The following ENDOV variants were observed in gnomAD, a reference collection of about 807,000 sequenced individuals.
The protein encoded by ENDOV is endonuclease V, also known as hEndoV.
ENDOV carries 37 observed loss-of-function variants against 39.4 expected under a neutral mutation model. The ratio of observed to expected loss-of-function variants is 0.94; its 90% CI spans 0.72 to 1.23. The LOEUF is 1.23. ENDOV is among the 50% of genes most tolerant of loss of function. The pLI is 0.00. For synonymous variants in ENDOV, 186 were observed against 163.4 expected, an observed-to-expected ratio of 1.14 and a Z score of -1.05; for missense variants, 441 against 375.7, an observed-to-expected ratio of 1.17 and a Z score of -1.44.
intron 2 of ENDOV, chr17:80,419,594 T>G: frequency 1.4e-6 from 1 of 702,982 alleles, no homozygotes; most frequent in Non-Finnish European, 2.6e-6. Context: ...AGTTCTGCCT[T>G]CAGGTAGCAA....
chr17:80,429,613 G>A (rs1313734433), intron 8 of ENDOV, among the ~76,000 whole-genome samples, 160 bp from the exon 9 acceptor site: 1 of 152,240 alleles, frequency 6.6e-6, no homozygotes, highest in Non-Finnish European at 1.5e-5. Context: ...AATGCAAGCT[G>A]CGTGTCTGAG....
intron 4 of ENDOV, among the ~76,000 whole-genome samples, 182 bp from the exon 5 acceptor site, chr17:80,423,338 A>T (rs1052605900): frequency 1.3e-5 from 2 of 152,260 alleles, no homozygotes; most frequent in African/African-American, 4.8e-5. Context: ...CACCCAGGAC[A>T]TCGGGCACAG....
At chr17:80,424,096 C>G (rs2082395871) in intron 5 of ENDOV, 2 of 396,078 alleles carry the variant, frequency 5.0e-6, no homozygotes, top group Admixed American at 4.4e-5. Flanking sequence ...CTCACCTTCC[C>G]CTGCATCTTC....
chr17:80,421,806 T>A, intron 2 of ENDOV, 22 bp from the exon 3 acceptor site: 1 of 1,582,922 alleles, frequency 6.3e-7, no homozygotes, highest in Non-Finnish European at 8.6e-7. Context: ...TGCTTCCCAC[T>A]GAGCTGCGTG....
In ENDOV at chr17:80,426,733, C is replaced by T. The variant is rs750302932; in HGVS notation, c.714+1113C>T. On this transcript the variant is annotated intron_variant, in intron 7 of 9. Transcript: ENST00000518137. Reference sequence around the variant, plus strand: ...GTGAAGTACAGAGTGGGTGGGAGCCCGTGAGCATCTTGGGGTGCGCCAGGG... The same window carrying T: ...GTGAAGTACAGAGTGGGTGGGAGCCTGTGAGCATCTTGGGGTGCGCCAGGG... Among the ~76,000 whole-genome samples, 216 of 152,374 alleles carry T rather than the reference C, an allele frequency of 1.4e-3. 2 individuals carry two copies. Among genetic ancestry groups the T allele is most frequent in the Non-Finnish European group, 2.3e-3 (159 of 68,036 alleles).
At position 80,420,968 on chromosome 17, in the gene ENDOV, G is replaced by A. The variant is rs552022592; in HGVS notation, c.229-860G>A. On this transcript the variant is annotated intron_variant, in intron 2 of 9. Transcript: ENST00000518137. ...TGGGATTACAGGCGTGAGCCACCAC[G>A]CCTGGCCAACACTGTGTCTTCTTTA... Among the ~76,000 whole-genome samples the A allele has an allele frequency of 3.9e-5, 6 of 152,084 alleles. No homozygotes were observed. The East Asian group carries it at 1.2e-3, about 29-fold the overall frequency.
At chr17:80,419,455 T>C in intron 2 of ENDOV, 2 of 636,410 alleles carry the variant, frequency 3.1e-6, no homozygotes, top group East Asian at 5.5e-5. Context: ...TGCCAGATGC[T>C]GAGCGATGGC....
chr17:80,415,851 G>C (rs781609738), intron 2 of ENDOV, 30 bp downstream of exon 2: 26 of 1,567,638 alleles, frequency 1.7e-5, no homozygotes, highest in East Asian at 4.7e-5. Flanking sequence ...AGCTCGAGGC[G>C]GGCCCCTCGG....
Position 80,437,515 on chromosome 17 carries a change from G to C in ENDOV, c.*1372G>C, listed in dbSNP as rs952331583. On this transcript the variant is annotated 3_prime_UTR_variant, in exon 10 of 10. Coordinates refer to ENST00000518137, the MANE Select transcript of ENDOV (RefSeq NM_173627.5). ...GGGGCTCCGAACCCTAAATGGGTGA[G>C]AGTTGAAATGAAAGCGGCACCTGTA... 2 of 152,688 alleles carry C rather than the reference G, an allele frequency of 1.3e-5. No individual in the cohort carries two copies. Among genetic ancestry groups the C allele is most frequent in the African/African-American group, 4.8e-5 (2 of 41,450 alleles). 9.5% of individuals were successfully genotyped at this position (152,688 alleles called of 1,614,324 possible).
intron 7 of ENDOV, chr17:80,427,716 G>T: frequency 7.8e-7 from 1 of 1,289,140 alleles, no homozygotes; most frequent in Non-Finnish European, 1.0e-6. Flanking sequence ...CACAGACGGG[G>T]TTAGTGTTGG....
At chr17:80,415,975 C>T (rs1298451103) in intron 2 of ENDOV, 154 bp downstream of exon 2, 7 of 909,128 alleles carry the variant, frequency 7.7e-6, no homozygotes, top group African/African-American at 3.5e-5. Flanking sequence ...CGGTGGCTCA[C>T]GCCTGCAATC....
At position 80,425,557 on chromosome 17, in the gene ENDOV, G is replaced by A. The variant is rs1272243293; in HGVS notation, c.651G>A (p.Leu217=). Residue 217 remains leucine, a synonymous_variant, in exon 7 of 10, where the codon CTG becomes CTA. Transcript: ENST00000518137. The part of the protein sequence containing the change: ...LYISVGHRMS[L]EAAVRLTCCC... ...TCTCCGTGGGCCACAGGATGAGCCTGGAGGCCGCTGTGCGCCTGACTTGCT... is the reference window on the plus strand; with the variant it reads ...TCTCCGTGGGCCACAGGATGAGCCTAGAGGCCGCTGTGCGCCTGACTTGCT... 4 of 1,593,220 alleles carry A rather than the reference G, an allele frequency of 2.5e-6. No homozygotes were observed. The highest frequency in any genetic ancestry group is 2.6e-6 in the Non-Finnish European group (3 of 1,173,566).
chr17:80,430,139 C>T (rs1381374563), intron 9 of ENDOV: 9 of 1,522,526 alleles, frequency 5.9e-6, no homozygotes, highest in Admixed American at 4.1e-5. Flanking sequence ...ACCACGGCCC[C>T]TCTTTGCTCC....
At position 80,423,760 on chromosome 17, in the gene ENDOV, G is replaced by A. The variant is rs79899920; in HGVS notation, c.516+128G>A. 1.2e-3 allele frequency: 1,057 copies of A among 882,694 alleles called. 11 individuals are homozygous for A. In the East Asian group the frequency reaches 0.028, roughly 23 times the overall value. 54.7% of individuals were successfully genotyped at this position (882,694 alleles called of 1,614,324 possible). A position where few individuals can be genotyped will look rare whatever the true frequency, so the allele number is the denominator to read the frequency against. On this transcript the variant is annotated intron_variant, in intron 5 of 9. Transcript: ENST00000518137. The stretch of plus-strand genomic sequence containing the variant: ...CTGCCCTCCTCATCCCTGGCTTGTG[G>A]CCTGGAGTAAGAAAGACCTGCTTTC...
At chr17:80,427,750 C>T (rs2082892162) in intron 7 of ENDOV, 2 of 1,289,256 alleles carry the variant, frequency 1.6e-6, no homozygotes, top group South Asian at 1.2e-5. Flanking sequence ...TGGCTCCGCG[C>T]CGGGCCGTCT....
At chr17:80,416,260 AGTCT>A (rs2081158961) in intron 2 of ENDOV, 1 of 145,196 alleles carries the variant, frequency 6.9e-6, no homozygotes. Flanking sequence ...AAAAAAAAAA[AGTCT>A]GGGGAGTCTT....
intron 2 of ENDOV, chr17:80,417,993 GC>G (rs973989494): frequency 6.6e-6 from 1 of 152,154 alleles, no homozygotes; most frequent in Non-Finnish European, 1.5e-5. Flanking sequence ...TACTTGGGAG[GC>G]CCTTTTCAGT....
chr17:80,431,030 C>G (rs1478968998), intron 9 of ENDOV, among the ~76,000 whole-genome samples: 1 of 152,216 alleles, frequency 6.6e-6, no homozygotes, highest in African/African-American at 2.4e-5. Flanking sequence ...TCCCAGGCCC[C>G]CTGAGGATGC....
intron 6 of ENDOV, among the ~76,000 whole-genome samples, 190 bp from the exon 7 acceptor site, chr17:80,425,302 C>T (rs1370059970): frequency 6.6e-6 from 1 of 152,202 alleles, no homozygotes; most frequent in Non-Finnish European, 1.5e-5. Context: ...TGAGGGAGCC[C>T]ACCCTCCCCC....
Sources: gnomAD v4.1 joint callset for allele counts (sites outside exome capture counted in the v4.1 genomes callset) on GRCh38, gnomAD v4.1.1 for gene constraint, MANE v1.5 for transcripts, NCBI Gene and HGNC (gene_info 2026-07-23, HGNC 2026-07-21) for gene names.